Variants in AAMDC observed in about 807,000 individuals in gnomAD.
AAMDC encodes adipogenesis associated Mth938 domain containing.
A neutral mutation model predicts 15.5 loss-of-function variants in AAMDC; 16 were observed. The ratio of observed to expected loss-of-function variants is 1.03; its 90% CI spans 0.70 to 1.57. The LOEUF (loss-of-function observed/expected upper bound fraction) is 1.57, where lower values mean the gene tolerates loss of function less well. AAMDC is among the 40% of genes most tolerant of loss of function. AAMDC has a pLI of 0.00. For missense variants in AAMDC, 141 were observed against 144.9 expected (o/e 0.97, Z 0.14); for synonymous variants, 51 against 51.6 (o/e 0.99, Z 0.05).
intron 1 of AAMDC, among the ~76,000 whole-genome samples, chr11:77,824,460 G>A (rs1486089188): frequency 2.0e-5 from 3 of 152,072 alleles, no homozygotes; most frequent in African/African-American, 7.2e-5. Flanking sequence ...TAGAATTAAC[G>A]GCTAATTTAT....
intron 5 of AAMDC, chr11:77,894,154 C>T (rs987949319): frequency 5.5e-5 from 29 of 528,334 alleles, no homozygotes; most frequent in African/African-American, 2.6e-4. Flanking sequence ...TTAAGGTTAA[C>T]GACATGGCCA....
At chr11:77,860,774 A>G (rs535063230) in intron 2 of AAMDC, among the ~76,000 whole-genome samples, 1 of 152,278 alleles carries the variant, frequency 6.6e-6, no homozygotes, top group South Asian at 2.1e-4. Context: ...ATGCAGAAAA[A>G]GGCATCCTTA....
chr11:77,892,307 G>T (rs1166462917), intron 5 of AAMDC, among the ~76,000 whole-genome samples: 1 of 152,154 alleles, frequency 6.6e-6, no homozygotes, highest in Non-Finnish European at 1.5e-5. Flanking sequence ...CCTCACTGAG[G>T]CTCAGAAAAG....
intron 5 of AAMDC, among the ~76,000 whole-genome samples, chr11:77,887,440 C>T (rs1479264869): frequency 3.9e-5 from 6 of 152,096 alleles, no homozygotes; most frequent in African/African-American, 1.4e-4. Flanking sequence ...TAAGAGCTAT[C>T]TATGACAAAC....
intron 1 of AAMDC, among the ~76,000 whole-genome samples, chr11:77,832,979 GT>G: frequency 1.8e-5 from 1 of 56,354 alleles, no homozygotes; most frequent in African/African-American, 8.9e-5. Context: ...GTGTGTGTGT[GT>G]GTGTGTGTGT....
intron 5 of AAMDC, chr11:77,891,927 A>G: frequency 1.3e-6 from 2 of 1,582,620 alleles, no homozygotes; most frequent in Non-Finnish European, 1.7e-6. Flanking sequence ...CAAACCCTGA[A>G]GTAGGAAGAA....
chr11:77,855,720 CTTTT>C (rs374235923), intron 2 of AAMDC, among the ~76,000 whole-genome samples: 1 of 127,936 alleles, frequency 7.8e-6, no homozygotes. Flanking sequence ...AGTTTTATGT[CTTTT>C]TTTTTTTTTT....
intron 2 of AAMDC, chr11:77,868,916 C>T (rs1951264474): frequency 4.7e-6 from 1 of 213,144 alleles, no homozygotes; most frequent in East Asian, 1.2e-4. Context: ...TTAATGTGCT[C>T]AATAGGCACA....
chr11:77,861,588 GGGCA>G (rs1950880143), intron 2 of AAMDC, among the ~76,000 whole-genome samples: 2 of 152,206 alleles, frequency 1.3e-5, no homozygotes, highest in Non-Finnish European at 2.9e-5. Flanking sequence ...TCGTCCCCTG[GGGCA>G]GTGGGCCTTC....
exon 6 of AAMDC, chr11:77,900,664 T>C (rs750317358): frequency 3.8e-5 from 26 of 692,906 alleles, no homozygotes. Flanking sequence ...ATTCTTAAGA[T>C]GCACCTTTAT....
At chr11:77,876,837 T>A (rs1590986099), downstream of AAMDC, 1 of 600,910 alleles carries the variant, frequency 1.7e-6, no homozygotes, top group East Asian at 2.8e-5. Flanking sequence ...AGGATTTTTA[T>A]AAAAGGGGTA....
At chr11:77,883,872 C>G (rs888060765) in intron 5 of AAMDC, 2 of 1,612,454 alleles carry the variant, frequency 1.2e-6, no homozygotes, top group African/African-American at 2.7e-5. Flanking sequence ...GAGTGATGAG[C>G]CGGTGCCGCC....
downstream of AAMDC, among the ~76,000 whole-genome samples, chr11:77,901,053 GA>G (rs1952762436): frequency 6.6e-6 from 1 of 152,156 alleles, no homozygotes; most frequent in Non-Finnish European, 1.5e-5. Flanking sequence ...TATTGCCTGA[GA>G]AAAAGCTTAT....
intron 2 of AAMDC, among the ~76,000 whole-genome samples, chr11:77,863,914 A>G (rs1370394744): frequency 2.6e-5 from 4 of 151,986 alleles, no homozygotes; most frequent in Non-Finnish European, 5.9e-5. Flanking sequence ...CAAATAGTTT[A>G]AATCCTTCAA....
At chr11:77,875,382 T>G (rs911738735), downstream of AAMDC, among the ~76,000 whole-genome samples, 5 of 152,236 alleles carry the variant, frequency 3.3e-5, no homozygotes, top group Non-Finnish European at 5.9e-5. Context: ...CATGTTTTGT[T>G]TGTCTCAGTA....
intron 2 of AAMDC, 166 bp from the exon 3 acceptor site, chr11:77,869,556 A>C (rs1162101408): frequency 4.7e-5 from 27 of 573,042 alleles, no homozygotes; most frequent in Non-Finnish European, 3.1e-6. Flanking sequence ...GGTTCAAGGG[A>C]TCCTGCCTCG....
intron 1 of AAMDC, among the ~76,000 whole-genome samples, chr11:77,827,271 G>A (rs907866585): frequency 2.6e-5 from 4 of 152,248 alleles, no homozygotes; most frequent in Non-Finnish European, 5.9e-5. Flanking sequence ...CTAGAAGAGA[G>A]GGAACACTTC....
intron 1 of AAMDC, among the ~76,000 whole-genome samples, chr11:77,823,458 G>C (rs1949024666): frequency 6.6e-6 from 1 of 151,192 alleles, no homozygotes; most frequent in Non-Finnish European, 1.5e-5. Flanking sequence ...GGGCGAGGTG[G>C]GGTGGCTCAT....
At chr11:77,894,058 G>C (rs1952401068) in intron 5 of AAMDC, among the ~76,000 whole-genome samples, 1 of 151,922 alleles carries the variant, frequency 6.6e-6, no homozygotes, top group African/African-American at 2.4e-5. Context: ...AGTGATTCCT[G>C]GTAGGTTTAG....
Sources: gnomAD v4.1 joint callset for allele counts (sites outside exome capture counted in the v4.1 genomes callset) on GRCh38, gnomAD v4.1.1 for gene constraint, MANE v1.5 for transcripts, NCBI Gene and HGNC (gene_info 2026-07-23, HGNC 2026-07-21) for gene names.